NXPE1: variants seen among roughly 807,000 people sequenced by gnomAD.
NXPE1 encodes the protein NXPE family member 1.
In NXPE1, 31 loss-of-function variants were observed where a neutral mutation model predicts 33.3. The observed-to-expected ratio is 0.93, with a 90% confidence interval of 0.70 to 1.26. The LOEUF is 1.26. Among genes scored for constraint, NXPE1 ranks in the 50% most tolerant of loss-of-function variants. The pLI, the probability that NXPE1 is intolerant of heterozygous loss-of-function variation, is 0.00. For missense variants in NXPE1, 661 were observed against 655.6 expected, an observed-to-expected ratio of 1.01 and a Z score of -0.09; for synonymous variants, 229 against 231.4, an observed-to-expected ratio of 0.99 and a Z score of 0.09.
At chr11:114,536,018 C>A (rs1459530583) in intron 5 of NXPE1, among the ~76,000 whole-genome samples, 4 of 152,258 alleles carry the variant, frequency 2.6e-5, no homozygotes, top group Non-Finnish European at 2.9e-5. Context: ...CCAAAATTGA[C>A]CACATAGTTG....
chr11:114,533,121 G>A (rs1191482948), intron 5 of NXPE1, among the ~76,000 whole-genome samples: 3 of 152,296 alleles, frequency 2.0e-5, no homozygotes, highest in South Asian at 4.1e-4. Flanking sequence ...TCCAAGGTAT[G>A]AGAATGATGG....
rs559665412 is a variant in NXPE1 at position 114,548,724 on chromosome 11, T to G, written c.99+2379A>C. Among the ~76,000 whole-genome samples the G allele has an allele frequency of 7.2e-5, 11 of 151,834 alleles. No homozygotes were observed. In the South Asian group the frequency reaches 2.3e-3, roughly 32 times the overall value. On this transcript the variant is annotated intron_variant, in intron 5 of 8. Transcript: ENST00000534921. ...AAATGAGGAGATAAAACTAAATGAA[T>G]TAAACACCCAGTTAAAAAGTTAGAA...
At chr11:114,551,396 C>T in exon 4 of NXPE1, 2 of 1,349,802 alleles carry the variant, frequency 1.5e-6, no homozygotes, top group South Asian at 3.9e-5. Context: ...TTGGATACTT[C>T]TTGTCGAGGT....
chr11:114,537,001 C>A (rs1252702994), intron 5 of NXPE1, among the ~76,000 whole-genome samples: 1 of 152,162 alleles, frequency 6.6e-6, no homozygotes, highest in East Asian at 1.9e-4. Flanking sequence ...AGACCAATAT[C>A]CTTGATGAAC....
chr11:114,528,620 A>C (rs1417882433), intron 6 of NXPE1, among the ~76,000 whole-genome samples: 1 of 152,170 alleles, frequency 6.6e-6, no homozygotes, highest in Non-Finnish European at 1.5e-5. Context: ...TGTGTTAATA[A>C]ATGTACCTTA....
At chr11:114,536,729 C>G (rs1407916340) in intron 5 of NXPE1, among the ~76,000 whole-genome samples, 1 of 151,992 alleles carries the variant, frequency 6.6e-6, no homozygotes, top group Non-Finnish European at 1.5e-5. Context: ...AAGACAAAAC[C>G]AGGAAGAAGT....
chr11:114,535,291 T>C (rs903412581), intron 5 of NXPE1, among the ~76,000 whole-genome samples: 3 of 152,120 alleles, frequency 2.0e-5, no homozygotes, highest in African/African-American at 7.2e-5. Context: ...GCACTAAACA[T>C]GGAAAGGAGC....
At chr11:114,553,401 G>A (rs1948569181) in intron 1 of NXPE1, among the ~76,000 whole-genome samples, 3 of 152,072 alleles carry the variant, frequency 2.0e-5, no homozygotes, top group South Asian at 4.1e-4. Context: ...CAGTTCTGTG[G>A]TTCATATCCC....
rs1252522708 is a variant in NXPE1, at chr11:114,551,367, C to T, written c.-11+16G>A. On this transcript the variant is annotated intron_variant, in intron 4 of 8. Transcript: ENST00000534921. ...TCTGCTAACTAACAACTCATACCCC[C>T]AATCCCTTTGTCTACCTATTGGATA... 2.1e-6 allele frequency: 3 copies of T among 1,404,318 alleles called. No individual in the cohort carries two copies. Among genetic ancestry groups the T allele is most frequent in the South Asian group, 1.6e-5 (1 of 60,638 alleles). The allele number at this position is 1,404,318 out of a possible 1,614,324, so 87.0% of individuals were successfully genotyped here.
chr11:114,520,690 C>T (rs1180102797), downstream of NXPE1, among the ~76,000 whole-genome samples: 2 of 152,132 alleles, frequency 1.3e-5, no homozygotes, highest in African/African-American at 4.8e-5. Context: ...TACTGTTTTC[C>T]ATAATGGCTG....
At chr11:114,530,604 C>T in exon 6 of NXPE1, 1 of 1,614,166 alleles carries the variant, frequency 6.2e-7, no homozygotes, top group South Asian at 1.1e-5. Flanking sequence ...GAAATCCCCA[C>T]CATATTGCTT....
chr11:114,526,307 T>G (rs1490227431), intron 7 of NXPE1, among the ~76,000 whole-genome samples: 2 of 152,346 alleles, frequency 1.3e-5, no homozygotes, highest in South Asian at 2.1e-4. Context: ...TAAAGCCACT[T>G]TATTATAGCA....
rs1257992192 is a variant in NXPE1 at position 114,542,145 on chromosome 11, C to T, written c.99+8958G>A. On this transcript the variant is annotated intron_variant, in intron 5 of 8. Transcript: ENST00000534921. ...TTGTAAATTGTTCCTTATGTAGCAT[C>T]TCACTTTATCCTTATTTATGTCTTT... Among the ~76,000 whole-genome samples, 5 of 152,234 alleles carry T rather than the reference C, an allele frequency of 3.3e-5. No individual in the cohort carries two copies. The East Asian group carries it at 7.7e-4, about 23-fold the overall frequency.
intron 1 of NXPE1, among the ~76,000 whole-genome samples, chr11:114,556,794 A>G (rs1313989309): frequency 1.3e-5 from 2 of 151,554 alleles, no homozygotes; most frequent in Non-Finnish European, 2.9e-5. Context: ...TAGTCCATTT[A>G]TATTTCATAT....
chr11:114,549,645 A>G (rs74483062), intron 5 of NXPE1, among the ~76,000 whole-genome samples: 4 of 152,090 alleles, frequency 2.6e-5, no homozygotes, highest in Non-Finnish European at 5.9e-5. Flanking sequence ...GGGAAACACT[A>G]AAGGCTTTGT....
At chr11:114,551,625 A>G (rs1485192015) in intron 3 of NXPE1, among the ~76,000 whole-genome samples, 184 bp from the exon 4 acceptor site, 1 of 152,240 alleles carries the variant, frequency 6.6e-6, no homozygotes, top group African/African-American at 2.4e-5. Flanking sequence ...CATAATCTGT[A>G]AAATGCCTTT....
intron 5 of NXPE1, among the ~76,000 whole-genome samples, chr11:114,544,654 T>G (rs2135071132): frequency 6.6e-6 from 1 of 152,246 alleles, no homozygotes; most frequent in South Asian, 2.1e-4. Flanking sequence ...CTGTGTGAAC[T>G]TGAGCTGTTG....
intron 5 of NXPE1, among the ~76,000 whole-genome samples, chr11:114,537,497 G>A (rs1947878983): frequency 6.6e-6 from 1 of 152,156 alleles, no homozygotes; most frequent in Non-Finnish European, 1.5e-5. Context: ...GATTGTCCCT[G>A]TTTGCAGATG....
At chr11:114,538,235 G>A (rs1003692386) in intron 5 of NXPE1, among the ~76,000 whole-genome samples, 17 of 152,158 alleles carry the variant, frequency 1.1e-4, no homozygotes, top group South Asian at 2.1e-4. Context: ...TATGTAGAAA[G>A]CTGAAACTGG....
Sources: allele counts gnomAD v4.1 joint callset (sites outside exome capture counted in the v4.1 genomes callset), GRCh38; gene constraint gnomAD v4.1.1; transcripts MANE v1.5; gene names NCBI Gene and HGNC (gene_info 2026-07-23, HGNC 2026-07-21).